Variants in TSHZ2 observed in about 807,000 individuals in gnomAD.
The protein encoded by TSHZ2 is teashirt zinc finger homeobox 2.
TSHZ2 carries 21 observed loss-of-function variants against 74.4 expected under a neutral mutation model. That is an observed-to-expected ratio of 0.28 (90% CI 0.20 to 0.41). TSHZ2 has a LOEUF of 0.41. Among genes scored for constraint, TSHZ2 ranks in the 10% least tolerant of loss-of-function variants. The pLI, the probability that TSHZ2 is intolerant of heterozygous loss-of-function variation, is 1.00. For synonymous variants in TSHZ2, 540 were observed against 515.3 expected (o/e 1.05, Z -0.65); for missense variants, 1,244 against 1,293.5 (o/e 0.96, Z 0.59).
intron 1 of TSHZ2, among the ~76,000 whole-genome samples, chr20:52,996,356 G>A (rs1982195425): frequency 7.5e-6 from 1 of 133,444 alleles, no homozygotes; most frequent in Non-Finnish European, 1.6e-5. Flanking sequence ...TATTTATTAG[G>A]CAAAATGGGA....
intron 1 of TSHZ2, among the ~76,000 whole-genome samples, chr20:53,143,294 G>A (rs1395466017): frequency 6.6e-6 from 1 of 152,172 alleles, no homozygotes; most frequent in Non-Finnish European, 1.5e-5. Flanking sequence ...GGAAACTTCT[G>A]AAAAGTTTAG....
At chr20:53,402,971 G>A in intron 2 of TSHZ2, among the ~76,000 whole-genome samples, 1 of 152,134 alleles carries the variant, frequency 6.6e-6, no homozygotes, top group Admixed American at 6.5e-5. Context: ...GATACACGGG[G>A]TACATGTGTA....
chr20:53,112,174 G>A (rs1304309016), intron 1 of TSHZ2, among the ~76,000 whole-genome samples: 10 of 152,178 alleles, frequency 6.6e-5, no homozygotes, highest in Admixed American at 5.9e-4. Context: ...GGCAGGGAGG[G>A]GCCAGCTGAG....
At chr20:53,083,607 CA>C (rs2123236783) in intron 1 of TSHZ2, among the ~76,000 whole-genome samples, 1 of 152,312 alleles carries the variant, frequency 6.6e-6, no homozygotes, top group Admixed American at 6.5e-5. Context: ...TCTGTTTATT[CA>C]GGCTCAAACC....
chr20:53,124,987 G>C (rs1986908084), intron 1 of TSHZ2, among the ~76,000 whole-genome samples: 1 of 152,234 alleles, frequency 6.6e-6, no homozygotes. Flanking sequence ...GCAAATGGGT[G>C]TGGCTCTGTG....
chr20:53,050,103 G>GTATATATATATATATGTA (rs1984376787), intron 1 of TSHZ2, among the ~76,000 whole-genome samples: 1 of 116,068 alleles, frequency 8.6e-6, no homozygotes, highest in East Asian at 2.3e-4. Flanking sequence ...GTATATGTGT[G>GTATATATATATATATGTA]TATATATATA....
chr20:52,996,609 G>C (rs996014954), intron 1 of TSHZ2, among the ~76,000 whole-genome samples: 1 of 152,016 alleles, frequency 6.6e-6, no homozygotes, highest in Non-Finnish European at 1.5e-5. Flanking sequence ...CTAACTGGTT[G>C]GATTGCAATT....
At chr20:53,332,355 C>T (rs937061806) in intron 2 of TSHZ2, among the ~76,000 whole-genome samples, 1 of 152,114 alleles carries the variant, frequency 6.6e-6, no homozygotes, top group African/African-American at 2.4e-5. Flanking sequence ...GCAAAGGCAA[C>T]AGCATGTTCA....
intron 2 of TSHZ2, among the ~76,000 whole-genome samples, chr20:53,332,513 A>C (rs1287631398): frequency 6.6e-6 from 1 of 152,176 alleles, no homozygotes; most frequent in African/African-American, 2.4e-5. Flanking sequence ...GGGGATGAGG[A>C]GAACCCAAAG....
chr20:53,024,343 T>C (rs1213885709), intron 1 of TSHZ2, among the ~76,000 whole-genome samples: 1 of 151,452 alleles, frequency 6.6e-6, no homozygotes, highest in Non-Finnish European at 1.5e-5. Flanking sequence ...TGTCCTTCAT[T>C]GGATGAACCT....
At chr20:53,443,798 G>A (rs1285033489) in intron 2 of TSHZ2, among the ~76,000 whole-genome samples, 3 of 152,174 alleles carry the variant, frequency 2.0e-5, no homozygotes, top group Non-Finnish European at 4.4e-5. Context: ...ACTTTGTAGG[G>A]TAGGTCTGAG....
chr20:52,986,724 G>A (rs767695082), intron 1 of TSHZ2, among the ~76,000 whole-genome samples: 7 of 151,830 alleles, frequency 4.6e-5, no homozygotes, highest in Non-Finnish European at 7.4e-5. Context: ...GTGAAACTCC[G>A]TCTCAAAAAA....
At chr20:53,461,128 C>A (rs1404090311) in intron 2 of TSHZ2, among the ~76,000 whole-genome samples, 9 of 151,526 alleles carry the variant, frequency 5.9e-5, no homozygotes, top group African/African-American at 1.2e-4. Context: ...TGGCGGGCGC[C>A]CCTCCCCCAG....
chr20:53,266,762 C>T lies in TSHZ2; in HGVS notation c.*8+10191C>T, dbSNP rs532997984. 5.4e-5 allele frequency among the ~76,000 whole-genome samples: 8 copies of T among 147,690 alleles called. No individual in the cohort carries two copies. The Admixed American group carries it at 5.5e-4, about 10-fold the overall frequency. ...TGGAGTTCTAGTCTAGCAGGGGAGG[C>T]CGATCGACGATTTTTTTTTTTTTTT... is the stretch of plus-strand genomic sequence containing the variant. On this transcript the variant is annotated intron_variant, in intron 2 of 2. Transcript: ENST00000371497.
At chr20:53,015,543 G>A (rs73136339) in intron 1 of TSHZ2, among the ~76,000 whole-genome samples, 1,804 of 152,250 alleles carry the variant, frequency 0.012, 24 homozygotes, top group Non-Finnish European at 0.015. Context: ...TGAGGATGGG[G>A]CCTCTTCTGT....
intron 2 of TSHZ2, among the ~76,000 whole-genome samples, chr20:53,422,057 A>G (rs1195410701): frequency 6.6e-6 from 1 of 152,050 alleles, no homozygotes; most frequent in African/African-American, 2.4e-5. Flanking sequence ...CATTTCTCAC[A>G]GTACCGTATC....
At chr20:53,184,398 T>C (rs1988552864) in intron 1 of TSHZ2, among the ~76,000 whole-genome samples, 1 of 152,244 alleles carries the variant, frequency 6.6e-6, no homozygotes, top group Non-Finnish European at 1.5e-5. Context: ...TTGGAGTTAC[T>C]GTGTTTTGGA....
chr20:53,027,265 C>T (rs1402873875), intron 1 of TSHZ2, among the ~76,000 whole-genome samples: 1 of 152,120 alleles, frequency 6.6e-6, no homozygotes, highest in Non-Finnish European at 1.5e-5. Context: ...TGTATTTATA[C>T]ATGCATATGT....
chr20:53,434,216 A>G (rs531731704), intron 2 of TSHZ2, among the ~76,000 whole-genome samples: 1 of 152,238 alleles, frequency 6.6e-6, no homozygotes, highest in African/African-American at 2.4e-5. Context: ...TGCTACTACC[A>G]CCACCACAAG....
Sources: allele counts gnomAD v4.1 joint callset (sites outside exome capture counted in the v4.1 genomes callset), GRCh38; gene constraint gnomAD v4.1.1; transcripts MANE v1.5; gene names NCBI Gene and HGNC (gene_info 2026-07-23, HGNC 2026-07-21).